The following ST6GALNAC3 variants were observed in gnomAD, a reference collection of about 807,000 sequenced individuals.
ST6GALNAC3 encodes alpha-N-acetylgalactosaminide alpha-2,6-sialyltransferase 3.
Under a neutral mutation model 32.7 loss-of-function variants are expected in ST6GALNAC3, and 25 were observed. That is an observed-to-expected ratio of 0.76 (90% confidence interval 0.56 to 1.07). The LOEUF is 1.07. Ranked by LOEUF, ST6GALNAC3 falls within the 50% of genes least tolerant of loss-of-function variation. The pLI is 0.00. For missense variants in ST6GALNAC3, 355 were observed against 382.4 expected (o/e 0.93, Z 0.60); for synonymous variants, 129 against 133.1 (o/e 0.97, Z 0.21).
chr1:76,486,502 C>G (rs1186881223), intron 3 of ST6GALNAC3, among the ~76,000 whole-genome samples: 1 of 152,136 alleles, frequency 6.6e-6, no homozygotes. Context: ...CTCTTTTCGT[C>G]TTTGTTGGTT....
chr1:76,112,425 C>A (rs1342215402), intron 1 of ST6GALNAC3, among the ~76,000 whole-genome samples: 2 of 145,252 alleles, frequency 1.4e-5, no homozygotes, highest in Non-Finnish European at 3.0e-5. Flanking sequence ...GGGGGCTAAC[C>A]CCCCGACCTC....
Position 76,074,769 on chromosome 1 carries a change from A to C in ST6GALNAC3, c.-98A>C. On this transcript the variant is annotated 5_prime_UTR_variant, in exon 1 of 5. Transcript: ENST00000328299. Reference sequence around the variant, plus strand: ...TTGGATCTGCGGGAATGTGGGCTGGAGAGGTCCTGCCGTGGTACCAGCCTC... The same window carrying C: ...TTGGATCTGCGGGAATGTGGGCTGGCGAGGTCCTGCCGTGGTACCAGCCTC... 4 of 1,356,198 alleles carry C rather than the reference A, an allele frequency of 2.9e-6. No individual in the cohort carries two copies. The highest frequency in any genetic ancestry group is 4.1e-6 in the Non-Finnish European group (4 of 985,448). The allele number at this position is 1,356,198 out of a possible 1,614,324, so 84.0% of individuals were successfully genotyped here. A position where few individuals can be genotyped will look rare whatever the true frequency, so the allele number is the denominator to read the frequency against.
chr1:76,280,562 A>T (rs1392719023), intron 1 of ST6GALNAC3, among the ~76,000 whole-genome samples: 1 of 152,226 alleles, frequency 6.6e-6, no homozygotes. Flanking sequence ...CACCAGAGAC[A>T]GAAGATTGAG....
chr1:76,273,659 A>G (rs1240164142), intron 1 of ST6GALNAC3, among the ~76,000 whole-genome samples: 1 of 152,190 alleles, frequency 6.6e-6, no homozygotes, highest in Non-Finnish European at 1.5e-5. Context: ...AAGACAGCAG[A>G]CCTGTTTACA....
At chr1:76,389,284 A>C (rs1468292248) in intron 2 of ST6GALNAC3, among the ~76,000 whole-genome samples, 1 of 152,174 alleles carries the variant, frequency 6.6e-6, no homozygotes, top group African/African-American at 2.4e-5. Context: ...GGCTGAGACA[A>C]GAACATGGCA....
rs534496548 is a variant in ST6GALNAC3 at position 76,294,160 on chromosome 1, T to G, written c.19-19645T>G. Among the ~76,000 whole-genome samples the G allele has an allele frequency of 1.2e-4, 19 of 152,284 alleles. No homozygotes were observed. In the East Asian group the frequency reaches 3.7e-3, roughly 29 times the overall value. The stretch of plus-strand genomic sequence containing the variant: ...CTCATTGTTCCCACTATTCAGTATT[T>G]AAATACACATAATGTCATGTCTTTA... On this transcript the variant is annotated intron_variant, in intron 1 of 4. Coordinates refer to ENST00000328299, the MANE Select transcript of ST6GALNAC3 (RefSeq NM_152996.4).
intron 1 of ST6GALNAC3, among the ~76,000 whole-genome samples, chr1:76,111,728 CAT>C: frequency 6.7e-6 from 1 of 149,968 alleles, no homozygotes. Flanking sequence ...GGACACAGCA[CAT>C]GTTTCAGAGA....
intron 3 of ST6GALNAC3, among the ~76,000 whole-genome samples, chr1:76,551,450 G>C (rs1222796683): frequency 1.3e-5 from 2 of 151,878 alleles, no homozygotes; most frequent in Non-Finnish European, 2.9e-5. Context: ...CTGCATTGCA[G>C]TTTGTTGTTG....
intron 1 of ST6GALNAC3, among the ~76,000 whole-genome samples, chr1:76,092,098 C>G (rs1251812): frequency 6.6e-6 from 1 of 151,894 alleles, no homozygotes; most frequent in Non-Finnish European, 1.5e-5. Context: ...GTCATAAGAC[C>G]ATCCTATAGA....
At chr1:76,278,663 A>C (rs768727100) in intron 1 of ST6GALNAC3, among the ~76,000 whole-genome samples, 1 of 152,114 alleles carries the variant, frequency 6.6e-6, no homozygotes, top group Admixed American at 6.5e-5. Flanking sequence ...AAATAAACAG[A>C]AAATGTTGCA....
At position 76,462,964 on chromosome 1, in the gene ST6GALNAC3, C is replaced by T. The variant is rs531944746; in HGVS notation, c.623+50547C>T. ...GTTGGAAAAACACTGTCCTAAATGA[C>T]GTCCCAGTGTGTGACTTGTGGTCAA... On this transcript the variant is annotated intron_variant, in intron 3 of 4. Transcript: ENST00000328299. 1.6e-3 allele frequency among the ~76,000 whole-genome samples: 245 copies of T among 152,218 alleles called. 1 individual carries two copies. Among genetic ancestry groups the T allele is most frequent in the African/African-American group, 5.7e-3 (237 of 41,552 alleles).
At chr1:76,603,151 A>G (rs2100638490) in intron 3 of ST6GALNAC3, among the ~76,000 whole-genome samples, 1 of 152,288 alleles carries the variant, frequency 6.6e-6, no homozygotes, top group East Asian at 1.9e-4. Context: ...ATTGGTCCCA[A>G]TCCCTTGGAA....
chr1:76,391,598 TC>T (rs1244187142), intron 2 of ST6GALNAC3, among the ~76,000 whole-genome samples: 29 of 3,108 alleles, frequency 9.3e-3, no homozygotes, highest in East Asian at 0.071. Flanking sequence ...ACCTTCCCCT[TC>T]CCCTTCCCTT....
intron 1 of ST6GALNAC3, among the ~76,000 whole-genome samples, chr1:76,099,108 ATCCATTGATCTATTTGTTCATT>A (rs1647178649): frequency 6.6e-6 from 1 of 152,090 alleles, no homozygotes; most frequent in African/African-American, 2.4e-5. Context: ...AATTCTAGTG[ATCCATTGATCTATTTGTTCATT>A]TTAATACCAA....
At chr1:76,450,923 C>A (rs1657347764) in intron 3 of ST6GALNAC3, among the ~76,000 whole-genome samples, 1 of 152,072 alleles carries the variant, frequency 6.6e-6, no homozygotes, top group Non-Finnish European at 1.5e-5. Flanking sequence ...TATCTTTATA[C>A]CAGTAACATG....
At chr1:76,591,402 G>GGT (rs1406719129) in intron 3 of ST6GALNAC3, among the ~76,000 whole-genome samples, 3 of 151,910 alleles carry the variant, frequency 2.0e-5, no homozygotes, top group Non-Finnish European at 4.4e-5. Context: ...TTTGACATTA[G>GGT]GTGTGTGTGT....
At chr1:76,196,771 C>A (rs1288431594) in intron 1 of ST6GALNAC3, among the ~76,000 whole-genome samples, 3 of 152,040 alleles carry the variant, frequency 2.0e-5, no homozygotes, top group Non-Finnish European at 2.9e-5. Flanking sequence ...CCTCTCAATA[C>A]TTTTTTTAAA....
At chr1:76,105,286 C>T (rs1036969691) in intron 1 of ST6GALNAC3, among the ~76,000 whole-genome samples, 1 of 152,200 alleles carries the variant, frequency 6.6e-6, no homozygotes, top group East Asian at 1.9e-4. Flanking sequence ...CAACTCACAG[C>T]CATCCACTTA....
At chr1:76,573,451 C>A (rs1264878218) in intron 3 of ST6GALNAC3, among the ~76,000 whole-genome samples, 1 of 152,114 alleles carries the variant, frequency 6.6e-6, no homozygotes, top group Non-Finnish European at 1.5e-5. Flanking sequence ...ATTGCACACA[C>A]AGGGAGCAAT....
Sources: gnomAD v4.1 joint callset for allele counts (sites outside exome capture counted in the v4.1 genomes callset) on GRCh38, gnomAD v4.1.1 for gene constraint, MANE v1.5 for transcripts, NCBI Gene and HGNC (gene_info 2026-07-23, HGNC 2026-07-21) for gene names.